Variants in IL1RAPL2 observed in about 807,000 individuals in gnomAD.
IL1RAPL2 encodes interleukin 1 receptor accessory protein like 2.
In IL1RAPL2, 3 loss-of-function variants were observed where a neutral mutation model predicts 44.1. That is an observed-to-expected ratio of 0.07 (90% CI 0.03 to 0.18). The LOEUF is 0.18. IL1RAPL2 is among the 10% of genes least tolerant of loss of function. The pLI, the probability that IL1RAPL2 is intolerant of heterozygous loss-of-function variation, is 1.00. For missense variants in IL1RAPL2, 391 were observed against 496.4 expected (o/e 0.79, Z 2.02); for synonymous variants, 181 against 178.8 (o/e 1.01, Z -0.10).
chrX:104,765,889 C>A (rs896793265), intron 2 of IL1RAPL2, among the ~76,000 whole-genome samples: 1 of 112,060 alleles, frequency 8.9e-6, no homozygotes, highest in Non-Finnish European at 1.9e-5. Context: ...TCAGGGATAC[C>A]CCCTGAAAAA....
At chrX:105,323,935 G>A (rs902702631) in intron 5 of IL1RAPL2, among the ~76,000 whole-genome samples, 32 of 111,128 alleles carry the variant, frequency 2.9e-4, no homozygotes, top group Non-Finnish European at 4.3e-4. Flanking sequence ...TAAATATTGG[G>A]TGAATTCACT....
At chrX:105,166,651 G>A (rs1003089199) in intron 2 of IL1RAPL2, among the ~76,000 whole-genome samples, 2 of 112,234 alleles carry the variant, frequency 1.8e-5, no homozygotes, top group Non-Finnish European at 3.8e-5. Context: ...AAGAATAAAC[G>A]GTGAAAAGTC....
At chrX:105,322,888 C>A (rs1235196745) in intron 5 of IL1RAPL2, among the ~76,000 whole-genome samples, 2 of 111,385 alleles carry the variant, frequency 1.8e-5, no homozygotes, top group Non-Finnish European at 3.8e-5. Context: ...CAACAGTGGT[C>A]AAGATTATTG....
At chrX:104,675,728 G>A (rs1428809273) in intron 2 of IL1RAPL2, among the ~76,000 whole-genome samples, 4 of 110,423 alleles carry the variant, frequency 3.6e-5, no homozygotes, top group African/African-American at 1.3e-4. Context: ...TATTGTGTGG[G>A]AGTCTAAGTC....
rs59305787 is a variant in IL1RAPL2, at chrX:104,601,720, A to G, written c.-20+34669A>G. 5.3e-3 allele frequency among the ~76,000 whole-genome samples: 596 copies of G among 112,167 alleles called. 5 individuals carry two copies. Among genetic ancestry groups the G allele is most frequent in the African/African-American group, 0.018 (562 of 30,883 alleles). On this transcript the variant is annotated intron_variant, in intron 1 of 10. Coordinates refer to ENST00000372582, the MANE Select transcript of IL1RAPL2 (RefSeq NM_017416.2). ...AAATCACTATTCTATGGCTATTATT[A>G]AGCCACATTATGAAAAAGTTAAGAA...
intron 2 of IL1RAPL2, among the ~76,000 whole-genome samples, chrX:104,995,831 T>C (rs1783624594): frequency 9.0e-6 from 1 of 111,697 alleles, no homozygotes; most frequent in East Asian, 2.8e-4. Context: ...TTATCTCTTT[T>C]CCTGAAAGGG....
At chrX:104,876,829 C>G (rs1311278303) in intron 2 of IL1RAPL2, among the ~76,000 whole-genome samples, 1 of 108,391 alleles carries the variant, frequency 9.2e-6, no homozygotes, top group African/African-American at 3.4e-5. Context: ...GCTGCACCCA[C>G]TAACTCGTCA....
intron 10 of IL1RAPL2, among the ~76,000 whole-genome samples, chrX:105,762,950 A>T (rs1253100616): frequency 5.4e-5 from 6 of 110,444 alleles, no homozygotes; most frequent in South Asian, 7.6e-4. Context: ...GAAGGTTTCT[A>T]AAATGTCTCC....
At chrX:104,814,549 C>A (rs1429402294) in intron 2 of IL1RAPL2, among the ~76,000 whole-genome samples, 1 of 111,819 alleles carries the variant, frequency 8.9e-6, no homozygotes, top group Non-Finnish European at 1.9e-5. Flanking sequence ...CGAGACCTGC[C>A]ACCTTATTGT....
At chrX:104,606,772 C>A (rs1183978844) in intron 1 of IL1RAPL2, among the ~76,000 whole-genome samples, 1 of 111,597 alleles carries the variant, frequency 9.0e-6, no homozygotes. Context: ...AGGAGAACTA[C>A]AAACCACTGC....
chrX:104,573,539 T>A (rs1928184871), intron 1 of IL1RAPL2, among the ~76,000 whole-genome samples: 1 of 112,387 alleles, frequency 8.9e-6, no homozygotes, highest in East Asian at 2.8e-4. Context: ...CCCAGTGCCA[T>A]AGTGCTGCCA....
chrX:105,704,746 G>C (rs1444944670), intron 6 of IL1RAPL2, among the ~76,000 whole-genome samples: 5 of 110,878 alleles, frequency 4.5e-5, no homozygotes, highest in Non-Finnish European at 9.5e-5. Flanking sequence ...AGCCCAGCAT[G>C]CATTAGCTAT....
chrX:105,014,809 T>C (rs967480845), intron 2 of IL1RAPL2, among the ~76,000 whole-genome samples: 3 of 112,353 alleles, frequency 2.7e-5, no homozygotes, highest in African/African-American at 9.7e-5. Context: ...GAATGATTTA[T>C]AATACCTTGG....
intron 5 of IL1RAPL2, among the ~76,000 whole-genome samples, chrX:105,476,252 G>A (rs2036196828): frequency 1.8e-5 from 2 of 112,925 alleles, no homozygotes; most frequent in Admixed American, 9.4e-5. Flanking sequence ...TGTTTTAAAA[G>A]CAATGTAATC....
intron 2 of IL1RAPL2, among the ~76,000 whole-genome samples, chrX:104,716,579 AAC>A (rs1478494416): frequency 1.8e-5 from 2 of 110,990 alleles, no homozygotes; most frequent in East Asian, 2.9e-4. Flanking sequence ...CAACAAGCAA[AAC>A]ACAAACAATC....
intron 2 of IL1RAPL2, among the ~76,000 whole-genome samples, chrX:105,110,385 G>A (rs1032356101): frequency 9.8e-5 from 11 of 112,083 alleles, no homozygotes; most frequent in Non-Finnish European, 1.7e-4. Context: ...TACCTCTGAA[G>A]TCAGCATGAA....
chrX:104,981,832 A>T (rs2030446881), intron 2 of IL1RAPL2, among the ~76,000 whole-genome samples: 1 of 111,511 alleles, frequency 9.0e-6, no homozygotes, highest in Non-Finnish European at 1.9e-5. Flanking sequence ...CTATTGAAAT[A>T]ATCATGTAGT....
chrX:104,722,744 C>A (rs749164596), intron 2 of IL1RAPL2, among the ~76,000 whole-genome samples: 13 of 111,214 alleles, frequency 1.2e-4, no homozygotes, highest in Non-Finnish European at 1.1e-4. Flanking sequence ...TAAAAGCCTG[C>A]ATGTAGCACC....
chrX:104,670,622 C>T (rs996368812), intron 2 of IL1RAPL2, among the ~76,000 whole-genome samples: 16 of 110,346 alleles, frequency 1.4e-4, no homozygotes, highest in Middle Eastern at 4.6e-3. Context: ...ATTTTAGATT[C>T]GGGGGTATAC....
Sources: gnomAD v4.1 joint callset for allele counts (sites outside exome capture counted in the v4.1 genomes callset) on GRCh38, gnomAD v4.1.1 for gene constraint, MANE v1.5 for transcripts, NCBI Gene and HGNC (gene_info 2026-07-23, HGNC 2026-07-21) for gene names.